FAT3: variants seen among roughly 807,000 people sequenced by gnomAD.
FAT3 encodes FAT atypical cadherin 3, also known as protocadherin Fat 3.
A neutral mutation model predicts 310.2 loss-of-function variants in FAT3; 95 were observed. The ratio of observed to expected loss-of-function variants is 0.31; its 90% confidence interval spans 0.26 to 0.36. The LOEUF is 0.36. Ranked by LOEUF, FAT3 falls within the 10% of genes least tolerant of loss-of-function variation. FAT3 has a pLI of 1.00. For missense variants in FAT3, 5,408 were observed against 5,715.6 expected, an observed-to-expected ratio of 0.95 and a Z score of 1.74; for synonymous variants, 2,314 against 2,192.9, an observed-to-expected ratio of 1.06 and a Z score of -1.54.
chr11:92,263,855 C>G (rs1865665881), intron 1 of FAT3, among the ~76,000 whole-genome samples: 1 of 151,946 alleles, frequency 6.6e-6, no homozygotes, highest in Non-Finnish European at 1.5e-5. Context: ...GCCCCAAGAG[C>G]AGGGATCTGC....
At chr11:92,825,140 C>G (rs1948070639) in intron 13 of FAT3, among the ~76,000 whole-genome samples, 1 of 152,188 alleles carries the variant, frequency 6.6e-6, no homozygotes, top group South Asian at 2.1e-4. Flanking sequence ...TTAATTCTTT[C>G]AGCACATGCA....
At position 92,355,328 on chromosome 11, in the gene FAT3, C is replaced by A. The variant is rs752021431; in HGVS notation, c.3216C>A (p.Ser1072=). ...VLQVTARDED[S]GRDGEIQYSI... is the part of the protein sequence containing the mutation. ...AGGTGACTGCTCGAGATGAAGACTC[C>A]GGAAGGGATGGAGAGATCCAGTACT... The change falls in exon 2 of 28, where the codon TCC becomes TCA. Residue 1072 remains serine, a synonymous_variant. Transcript: ENST00000525166. 2 of 1,613,496 alleles carry A rather than the reference C, an allele frequency of 1.2e-6. No homozygotes were observed. Among genetic ancestry groups the A allele is most frequent in the African/African-American group, 2.7e-5 (2 of 74,828 alleles).
At chr11:92,632,472 C>G (rs1401049857) in intron 3 of FAT3, among the ~76,000 whole-genome samples, 1 of 152,172 alleles carries the variant, frequency 6.6e-6, no homozygotes, top group Non-Finnish European at 1.5e-5. Flanking sequence ...AGCAAGGCAA[C>G]AACTGGATAA....
chr11:92,560,166 C>T lies in FAT3; in HGVS notation c.3607+35218C>T, dbSNP rs560856310. 1.4e-4 allele frequency among the ~76,000 whole-genome samples: 21 copies of T among 152,204 alleles called. No individual in the cohort carries two copies. The South Asian group carries it at 3.3e-3, about 24-fold the overall frequency. On this transcript the variant is annotated intron_variant, in intron 3 of 27. Transcript: ENST00000525166. ...CATCATACTGGATGTTAAGTGGTAT[C>T]TTATTGTGATTTCGATTTACATTTG...
In FAT3 at chr11:92,768,478, A is replaced by G. The variant is rs1044294417; in HGVS notation, c.4195+3389A>G. On this transcript the variant is annotated intron_variant, in intron 6 of 27. Coordinates refer to ENST00000525166, the MANE Select transcript of FAT3 (RefSeq NM_001367949.2). ...CTCCTTTTGAAAATCTTTCTAATCC[A>G]TCAGAGTCATTTTTTCTCAATCTGC... Among the ~76,000 whole-genome samples the G allele has an allele frequency of 2.6e-5, 4 of 152,160 alleles. 1 individual carries two copies. The highest frequency in any genetic ancestry group is 5.9e-5 in the Non-Finnish European group (4 of 68,028).
chr11:92,440,028 A>T (rs561342751), intron 2 of FAT3, among the ~76,000 whole-genome samples: 6 of 152,090 alleles, frequency 3.9e-5, no homozygotes, highest in African/African-American at 1.4e-4. Flanking sequence ...GGGATTGGCT[A>T]AGGGTTACTG....
chr11:92,225,246 G>T (rs980450166), intron 1 of FAT3, among the ~76,000 whole-genome samples, 72 bp downstream of exon 1: 2 of 152,212 alleles, frequency 1.3e-5, no homozygotes, highest in African/African-American at 4.8e-5. Flanking sequence ...CCGGAGCACA[G>T]CCTCAGCTGC....
intron 1 of FAT3, among the ~76,000 whole-genome samples, chr11:92,284,690 T>G (rs1418390202): frequency 1.1e-4 from 17 of 152,138 alleles, no homozygotes; most frequent in Admixed American, 1.1e-3. Context: ...GGTTGAGTAC[T>G]AAGAAGACTT....
At chr11:92,360,259 T>A (rs1224581393) in intron 2 of FAT3, among the ~76,000 whole-genome samples, 1 of 152,232 alleles carries the variant, frequency 6.6e-6, no homozygotes, top group African/African-American at 2.4e-5. Flanking sequence ...CATTCACAAT[T>A]GCTTCAAAGA....
intron 3 of FAT3, among the ~76,000 whole-genome samples, chr11:92,619,021 T>C (rs969250953): frequency 6.6e-6 from 1 of 152,176 alleles, no homozygotes; most frequent in African/African-American, 2.4e-5. Flanking sequence ...TCTCTTCTAT[T>C]CTGATTTGTT....
chr11:92,451,765 TA>T (rs1223689092), intron 2 of FAT3, among the ~76,000 whole-genome samples: 1 of 152,182 alleles, frequency 6.6e-6, no homozygotes, highest in Non-Finnish European at 1.5e-5. Context: ...AAAAGTCCTT[TA>T]TAGTGAAGAA....
Position 92,798,488 on chromosome 11 carries a change from G to A in FAT3, c.5475G>A (p.Thr1825=), listed in dbSNP as rs775289130. The change falls in exon 10 of 28, where the codon ACG becomes ACA. Residue 1825 remains threonine, a synonymous_variant. Transcript: ENST00000525166. ...IVESTAKKFF[T]VDSSTGAIRT... ...AGTCAACAGCAAAAAAGTTTTTCAC[G>A]GTGGACTCCAGTACAGGTGCAATCA... 2.2e-5 allele frequency: 35 copies of A among 1,613,480 alleles called. No homozygotes were observed. Among genetic ancestry groups the A allele is most frequent in the East Asian group, 1.1e-4 (5 of 44,806 alleles).
intron 18 of FAT3, 148 bp downstream of exon 18, chr11:92,840,907 T>G (rs1948530249): frequency 1.3e-6 from 1 of 746,024 alleles, no homozygotes; most frequent in South Asian, 3.1e-5. Flanking sequence ...CAAATTCAAT[T>G]TCACACCAGT....
chr11:92,647,969 G>T (rs190634671), intron 3 of FAT3, among the ~76,000 whole-genome samples: 2 of 152,200 alleles, frequency 1.3e-5, no homozygotes, highest in African/African-American at 4.8e-5. Context: ...TTCACTAGTA[G>T]ACCTGGATTT....
chr11:92,392,816 T>G (rs1425635676), intron 2 of FAT3, among the ~76,000 whole-genome samples: 1 of 152,144 alleles, frequency 6.6e-6, no homozygotes, highest in Non-Finnish European at 1.5e-5. Flanking sequence ...ATATAGAGAT[T>G]GTTGCTCTTG....
intron 1 of FAT3, among the ~76,000 whole-genome samples, chr11:92,286,423 C>A (rs191597056): frequency 1.9e-4 from 29 of 152,178 alleles, no homozygotes; most frequent in African/African-American, 5.8e-4. Context: ...CTTATATGCA[C>A]GGAGGGAATG....
At chr11:92,529,313 GA>G (rs951192774) in intron 3 of FAT3, among the ~76,000 whole-genome samples, 1 of 152,204 alleles carries the variant, frequency 6.6e-6, no homozygotes, top group Admixed American at 6.5e-5. Context: ...GGGGCCTGAA[GA>G]ATGGGCTGAC....
chr11:92,276,432 C>T (rs1340616095), intron 1 of FAT3, among the ~76,000 whole-genome samples: 1 of 152,140 alleles, frequency 6.6e-6, no homozygotes, highest in Non-Finnish European at 1.5e-5. Flanking sequence ...ACGCCAGGAT[C>T]TTGACCTTGG....
chr11:92,252,991 T>A (rs1366470537), intron 1 of FAT3, among the ~76,000 whole-genome samples: 1 of 152,146 alleles, frequency 6.6e-6, no homozygotes, highest in Non-Finnish European at 1.5e-5. Flanking sequence ...TGGCTTTTCC[T>A]AGGCAGCTTG....
Sources: allele counts gnomAD v4.1 joint callset (sites outside exome capture counted in the v4.1 genomes callset), GRCh38; gene constraint gnomAD v4.1.1; transcripts MANE v1.5; gene names NCBI Gene and HGNC (gene_info 2026-07-23, HGNC 2026-07-21).